PLAAT1: variants seen among roughly 807,000 people sequenced by gnomAD.
PLAAT1 encodes the protein H-REV107 protein-related protein.
A neutral mutation model predicts 16.4 loss-of-function variants in PLAAT1; 13 were observed. The observed-to-expected ratio is 0.79, with a 90% CI of 0.52 to 1.26. PLAAT1 has a LOEUF of 1.26. Among genes scored for constraint, PLAAT1 ranks in the 50% most tolerant of loss-of-function variants. PLAAT1 has a pLI of 0.00. For missense variants in PLAAT1, 218 were observed against 207.8 expected (o/e 1.05, Z -0.30); for synonymous variants, 73 against 78.4 (o/e 0.93, Z 0.36).
chr3:193,252,749 GTTTA>G (rs761637231), intron 1 of PLAAT1, among the ~76,000 whole-genome samples: 16 of 152,120 alleles, frequency 1.1e-4, no homozygotes, highest in African/African-American at 3.1e-4. Context: ...GTCAAGGTTT[GTTTA>G]TTTGTTTGTC....
chr3:193,279,532 A>T, downstream of PLAAT1: 1 of 1,154,834 alleles, frequency 8.7e-7, no homozygotes. Flanking sequence ...AGAATCAATT[A>T]TCTCTGTTGG....
At chr3:193,278,273 C>G (rs534949131), downstream of PLAAT1, among the ~76,000 whole-genome samples, 114 of 152,352 alleles carry the variant, frequency 7.5e-4, no homozygotes, top group African/African-American at 2.7e-3. Flanking sequence ...TGTCTCTCCT[C>G]TCACATGTAG....
chr3:193,273,628 A>G (rs1350662135), downstream of PLAAT1, among the ~76,000 whole-genome samples: 1 of 152,226 alleles, frequency 6.6e-6, no homozygotes, highest in Non-Finnish European at 1.5e-5. Flanking sequence ...ATGGTCTGTT[A>G]AATTAGCAAA....
intron 1 of PLAAT1, among the ~76,000 whole-genome samples, chr3:193,251,902 T>G (rs1374713618): frequency 1.3e-5 from 2 of 152,182 alleles, no homozygotes; most frequent in Admixed American, 1.3e-4. Context: ...TACACCATTT[T>G]GCTGAGGTCC....
chr3:193,242,133 T>A (rs1449207866), intron 1 of PLAAT1, among the ~76,000 whole-genome samples: 1 of 152,044 alleles, frequency 6.6e-6, no homozygotes, highest in African/African-American at 2.4e-5. Flanking sequence ...TTTTTTTTTT[T>A]TTCTCATCAG....
Position 193,263,099 on chromosome 3 carries a change from A to AC in PLAAT1, c.275dup (p.Leu93SerfsTer21). On this transcript the variant is annotated frameshift_variant, in exon 3 of 4. Transcript: ENST00000264735. LOFTEE classifies it high-confidence loss of function. ...ATAAACAATAAATACGATGAAACGT[A>AC]CCCCCCTCTCCCTGTGGAAGAAATC... 1.2e-6 allele frequency: 2 copies of AC among 1,614,072 alleles called. No homozygotes were observed. Among genetic ancestry groups the AC allele is most frequent in the Non-Finnish European group, 8.5e-7 (1 of 1,179,998 alleles).
chr3:193,263,214 T>C lies in PLAAT1; in HGVS notation c.384T>C (p.Tyr128=), dbSNP rs748175440. The C allele has an allele frequency of 3.1e-6, 5 of 1,614,070 alleles. No homozygotes were observed. Among genetic ancestry groups the C allele is most frequent in the Non-Finnish European group, 3.4e-6 (4 of 1,179,908 alleles). Residue 128 remains tyrosine, a synonymous_variant, in exon 3 of 4, where the codon TAT becomes TAC. Coordinates refer to ENST00000264735, the MANE Select transcript of PLAAT1 (RefSeq NM_020386.5). ...NCEHFVTLLR[Y]GEGVSEQANR... is the part of the protein sequence containing the mutation. ...AACATTTTGTGACATTGCTTCGCTA[T>C]GGAGAAGGAGTTTCAGAGCAGGTAA...
chr3:193,250,888 A>G (rs546023125), intron 1 of PLAAT1, among the ~76,000 whole-genome samples: 2 of 137,756 alleles, frequency 1.5e-5, no homozygotes, highest in African/African-American at 5.5e-5. Flanking sequence ...GTTTATTTCC[A>G]GGGCAAGTCA....
At chr3:193,275,094 T>G, downstream of PLAAT1, 1 of 1,614,184 alleles carries the variant, frequency 6.2e-7, no homozygotes, top group Non-Finnish European at 8.5e-7. Context: ...CAATTTGAGT[T>G]TTCTTTTTGG....
intron 3 of PLAAT1, among the ~76,000 whole-genome samples, chr3:193,266,627 T>C (rs1334339746): frequency 1.3e-5 from 2 of 152,128 alleles, no homozygotes; most frequent in African/African-American, 4.8e-5. Context: ...TGTTTATCAG[T>C]CTTCTAATCA....
intron 3 of PLAAT1, among the ~76,000 whole-genome samples, chr3:193,263,590 T>C (rs1484716375): frequency 6.6e-6 from 1 of 152,230 alleles, no homozygotes; most frequent in Admixed American, 6.5e-5. Flanking sequence ...TTGAGCTTTT[T>C]GAATGGGAGT....
intron 1 of PLAAT1, among the ~76,000 whole-genome samples, 188 bp from the exon 2 acceptor site, chr3:193,255,463 A>C (rs1032332051): frequency 6.6e-6 from 1 of 152,196 alleles, no homozygotes; most frequent in Non-Finnish European, 1.5e-5. Context: ...TTATTTCTCT[A>C]CTTGTCCCCT....
chr3:193,275,410 G>A, downstream of PLAAT1: 1 of 1,272,412 alleles, frequency 7.9e-7, no homozygotes, highest in South Asian at 1.4e-5. Flanking sequence ...TCTGAGGTGT[G>A]CTCATTGCTG....
downstream of PLAAT1, among the ~76,000 whole-genome samples, chr3:193,279,016 T>G (rs1167769303): frequency 6.6e-6 from 1 of 152,192 alleles, no homozygotes; most frequent in Non-Finnish European, 1.5e-5. Context: ...TATAACTACT[T>G]TATAAAGGAT....
intron 3 of PLAAT1, among the ~76,000 whole-genome samples, chr3:193,268,305 G>A (rs553182976): frequency 1.3e-5 from 2 of 152,228 alleles, no homozygotes; most frequent in South Asian, 2.1e-4. Context: ...GCAGCCTTAC[G>A]AGGCCTTAGG....
rs749797080 is a variant in PLAAT1 at position 193,263,227 on chromosome 3, T to C, written c.397T>C (p.Ser133Pro). 80 of 1,613,492 alleles carry C rather than the reference T, an allele frequency of 5.0e-5. No individual in the cohort carries two copies. Among genetic ancestry groups the C allele is most frequent in the Non-Finnish European group, 6.6e-5 (78 of 1,179,604 alleles). ...VTLLRYGEGV[S>P]EQANRAISTV... ...ATTGCTTCGCTATGGAGAAGGAGTT[T>C]CAGAGCAGGTAAGTTTTCTTTAGGA... The change falls in exon 3 of 4, where the codon TCA becomes CCA. Residue 133 changes from serine to proline, a missense_variant. Coordinates refer to ENST00000264735, the MANE Select transcript of PLAAT1 (RefSeq NM_020386.5).
intron 3 of PLAAT1, among the ~76,000 whole-genome samples, chr3:193,270,105 C>G (rs1716934886): frequency 6.6e-6 from 1 of 151,514 alleles, no homozygotes; most frequent in Admixed American, 6.6e-5. Context: ...CACACACACA[C>G]TCTTACACGA....
At chr3:193,256,169 T>G (rs1716366448) in intron 2 of PLAAT1, among the ~76,000 whole-genome samples, 1 of 152,208 alleles carries the variant, frequency 6.6e-6, no homozygotes, top group African/African-American at 2.4e-5. Context: ...TTCTAAGTGC[T>G]GGGGGTATAC....
downstream of PLAAT1, among the ~76,000 whole-genome samples, chr3:193,273,887 A>G (rs1273099723): frequency 6.6e-6 from 1 of 152,208 alleles, no homozygotes; most frequent in African/African-American, 2.4e-5. Flanking sequence ...AGTTACAAAT[A>G]TAAGTCCCTT....
Sources: gnomAD v4.1 joint callset for allele counts (sites outside exome capture counted in the v4.1 genomes callset) on GRCh38, gnomAD v4.1.1 for gene constraint, MANE v1.5 for transcripts, NCBI Gene and HGNC (gene_info 2026-07-23, HGNC 2026-07-21) for gene names.